Variants in DSCAM observed in about 807,000 individuals in gnomAD.
DSCAM encodes DS cell adhesion molecule.
DSCAM carries 47 observed loss-of-function variants against 217.7 expected under a neutral mutation model. The observed-to-expected ratio is 0.22, with a 90% CI of 0.17 to 0.28. The LOEUF is 0.28. Among genes scored for constraint, DSCAM ranks in the 10% least tolerant of loss-of-function variants. DSCAM has a pLI of 1.00. For missense variants in DSCAM, 2,080 were observed against 2,618.3 expected (o/e 0.79, Z 4.49); for synonymous variants, 1,056 against 1,015.3 (o/e 1.04, Z -0.76).
At chr21:40,207,472 A>C (rs2091138243) in intron 11 of DSCAM, among the ~76,000 whole-genome samples, 1 of 152,150 alleles carries the variant, frequency 6.6e-6, no homozygotes, top group East Asian at 1.9e-4. Context: ...TTGACCCTGT[A>C]ATTCCTTTTC....
intron 11 of DSCAM, among the ~76,000 whole-genome samples, chr21:40,258,064 T>C (rs1026026355): frequency 6.6e-6 from 1 of 152,344 alleles, no homozygotes; most frequent in South Asian, 2.1e-4. Flanking sequence ...TTTCTAGCAA[T>C]GGCCCATTCT....
chr21:40,532,363 G>T (rs960104897), intron 3 of DSCAM, among the ~76,000 whole-genome samples: 2 of 152,094 alleles, frequency 1.3e-5, no homozygotes, highest in Admixed American at 6.6e-5. Flanking sequence ...GAACTATTTT[G>T]TGACAGAATC....
intron 11 of DSCAM, among the ~76,000 whole-genome samples, chr21:40,247,404 C>A (rs973497212): frequency 6.6e-6 from 1 of 152,230 alleles, no homozygotes; most frequent in Non-Finnish European, 1.5e-5. Flanking sequence ...AGCCTAGCTA[C>A]TTCCTAGATA....
intron 3 of DSCAM, among the ~76,000 whole-genome samples, chr21:40,547,822 C>T (rs1352752763): frequency 1.3e-5 from 2 of 152,292 alleles, no homozygotes; most frequent in African/African-American, 2.4e-5. Context: ...GTCTCTGCCA[C>T]GTTCCCTGGA....
At chr21:40,298,396 G>A (rs1422377056) in intron 9 of DSCAM, among the ~76,000 whole-genome samples, 2 of 152,014 alleles carry the variant, frequency 1.3e-5, no homozygotes, top group African/African-American at 4.8e-5. Context: ...TATTCTTGAT[G>A]AGCAAAGTTC....
intron 22 of DSCAM, among the ~76,000 whole-genome samples, chr21:40,086,818 T>C (rs971310150): frequency 3.3e-5 from 5 of 152,206 alleles, no homozygotes; most frequent in Non-Finnish European, 5.9e-5. Context: ...AGATAGGTGT[T>C]AAATCTCACA....
At chr21:40,561,870 G>A (rs1295332369) in intron 3 of DSCAM, among the ~76,000 whole-genome samples, 3 of 152,126 alleles carry the variant, frequency 2.0e-5, no homozygotes, top group Non-Finnish European at 2.9e-5. Context: ...AGATTTGGGG[G>A]CCCTTTGTAT....
chr21:40,560,383 A>G lies in DSCAM; in HGVS notation c.508+132427T>C, dbSNP rs865862651. On this transcript the variant is annotated intron_variant, in intron 3 of 32. Coordinates refer to ENST00000400454, the MANE Select transcript of DSCAM (RefSeq NM_001389.5). ...GGAAAGCTGGAGGTAAGGATCCGGA[A>G]ATTCCTGGCCAGCTCTAGATTTCAC... Among the ~76,000 whole-genome samples, 11 of 152,162 alleles carry G rather than the reference A, an allele frequency of 7.2e-5. 2 individuals are homozygous for G. The South Asian group carries it at 2.3e-3, about 32-fold the overall frequency.
chr21:40,724,621 A>G (rs1432105293), intron 1 of DSCAM, among the ~76,000 whole-genome samples: 1 of 152,214 alleles, frequency 6.6e-6, no homozygotes, highest in East Asian at 1.9e-4. Flanking sequence ...AACCAAAGCC[A>G]ACTGAATCAT....
chr21:40,843,367 CATGTGTGTGT>C (rs1220942883), intron 1 of DSCAM, among the ~76,000 whole-genome samples: 3 of 104,436 alleles, frequency 2.9e-5, no homozygotes, highest in South Asian at 6.7e-4. Context: ...GGAATGCATG[CATGTGTGTGT>C]GTGTGTGTGT....
At chr21:40,255,270 T>C (rs1268092511) in intron 11 of DSCAM, among the ~76,000 whole-genome samples, 1 of 152,142 alleles carries the variant, frequency 6.6e-6, no homozygotes, top group Non-Finnish European at 1.5e-5. Context: ...TGTGGTGTGA[T>C]TCATGAAGCC....
At chr21:40,548,430 T>C (rs561252316) in intron 3 of DSCAM, among the ~76,000 whole-genome samples, 4 of 152,134 alleles carry the variant, frequency 2.6e-5, no homozygotes, top group African/African-American at 7.2e-5. Flanking sequence ...TGCAAGACAG[T>C]AGGTGACTGG....
intron 1 of DSCAM, among the ~76,000 whole-genome samples, chr21:40,761,039 T>C (rs2091328306): frequency 6.6e-6 from 1 of 152,258 alleles, no homozygotes; most frequent in Non-Finnish European, 1.5e-5. Context: ...ACAGTCATTG[T>C]TGAATTTCTA....
chr21:40,439,668 T>G (rs572459876), intron 3 of DSCAM, among the ~76,000 whole-genome samples: 1 of 144,650 alleles, frequency 6.9e-6, no homozygotes, highest in South Asian at 2.2e-4. Flanking sequence ...AAAAAGAGAT[T>G]TAATTTACTC....
chr21:40,595,532 G>C (rs1005701990), intron 3 of DSCAM, among the ~76,000 whole-genome samples: 2 of 134,134 alleles, frequency 1.5e-5, no homozygotes, highest in Non-Finnish European at 3.4e-5. Flanking sequence ...GACTCCCAGT[G>C]CTTAAAGGCC....
intron 3 of DSCAM, among the ~76,000 whole-genome samples, chr21:40,437,620 A>G (rs2075594509): frequency 6.6e-6 from 1 of 152,050 alleles, no homozygotes. Flanking sequence ...GGAGGCCAAG[A>G]CAGGCAGATC....
At chr21:40,577,417 T>G in intron 3 of DSCAM, among the ~76,000 whole-genome samples, 1 of 151,288 alleles carries the variant, frequency 6.6e-6, no homozygotes. Context: ...CGGAAGACGG[T>G]CACTCTTTGG....
chr21:40,249,817 G>T (rs1389694899), intron 11 of DSCAM, among the ~76,000 whole-genome samples: 2 of 152,120 alleles, frequency 1.3e-5, no homozygotes, highest in Non-Finnish European at 2.9e-5. Context: ...GAAGAGAAGA[G>T]AACAACCTCC....
intron 4 of DSCAM, among the ~76,000 whole-genome samples, chr21:40,366,802 C>T (rs1203824365): frequency 6.6e-6 from 1 of 152,184 alleles, no homozygotes; most frequent in Non-Finnish European, 1.5e-5. Context: ...TAGCCCATCT[C>T]TCAGAGCTAT....
Sources: allele counts gnomAD v4.1 joint callset (sites outside exome capture counted in the v4.1 genomes callset), GRCh38; gene constraint gnomAD v4.1.1; transcripts MANE v1.5; gene names NCBI Gene and HGNC (gene_info 2026-07-23, HGNC 2026-07-21).